The following THTPA variants were observed in gnomAD, a reference collection of about 807,000 sequenced individuals.
THTPA encodes thiamine triphosphatase, also known as thiamine-triphosphatase.
In THTPA, 16 loss-of-function variants were observed where a neutral mutation model predicts 16.5. The ratio of observed to expected loss-of-function variants is 0.97; its 90% CI spans 0.66 to 1.47. The LOEUF is 1.47. Among genes scored for constraint, THTPA ranks in the 40% most tolerant of loss-of-function variants. The pLI is 0.00. For missense variants in THTPA, 281 were observed against 280.9 expected (o/e 1.00, Z 0.00); for synonymous variants, 110 against 115.5 (o/e 0.95, Z 0.30).
chr14:23,559,363 G>A lies in THTPA; in HGVS notation c.*523G>A. 1.1e-5 allele frequency: 3 copies of A among 281,580 alleles called. No homozygotes were observed. The highest frequency in any genetic ancestry group is 2.1e-5 in the Non-Finnish European group (3 of 144,480). 17.4% of individuals were successfully genotyped at this position (281,580 alleles called of 1,614,324 possible). The stretch of plus-strand genomic sequence containing the variant: ...CCACTGTGCCCAGCTCTGGCCCAGA[G>A]GGTAGAGTGCCTCCTGTGGAAGTTT... On this transcript the variant is annotated 3_prime_UTR_variant, in exon 2 of 2. Coordinates refer to ENST00000288014, the MANE Select transcript of THTPA (RefSeq NM_024328.6).
chr14:23,556,131 C>T (rs28403575), upstream of THTPA: 14,036 of 152,608 alleles, frequency 0.092, 910 homozygotes, highest in East Asian at 0.25. Context: ...GGGTCGCGGC[C>T]TCCCATTACA....
chr14:23,548,525 A>T, the THTPA span: 2 of 152,212 alleles, frequency 1.3e-5, no homozygotes, highest in Non-Finnish European at 2.9e-5. Flanking sequence ...CCAAGGCAAT[A>T]CCAGCAATTT....
chr14:23,527,592 G>A, the THTPA span: 1 of 1,536,586 alleles, frequency 6.5e-7, no homozygotes. Flanking sequence ...TCCTCACCCA[G>A]CCTGTACTCA....
At chr14:23,532,362 C>T in the THTPA span, 9 of 584,218 alleles carry the variant, frequency 1.5e-5, no homozygotes, top group Non-Finnish European at 2.1e-5. Flanking sequence ...AAGTCTGTTT[C>T]ACTTGTCAGA....
chr14:23,536,524 A>C, the THTPA span, among the ~76,000 whole-genome samples: 1 of 152,208 alleles, frequency 6.6e-6, no homozygotes, highest in African/African-American at 2.4e-5. Flanking sequence ...TCCTCCCAAA[A>C]GAGGTAACAA....
chr14:23,517,533 A>G, the THTPA span, among the ~76,000 whole-genome samples: 16 of 152,304 alleles, frequency 1.1e-4, no homozygotes, highest in African/African-American at 3.6e-4. Context: ...GTTGCTTCTG[A>G]GAGAAATTGT....
At chr14:23,534,184 T>A in the THTPA span, 1 of 1,476,286 alleles carries the variant, frequency 6.8e-7, no homozygotes, top group East Asian at 2.5e-5. This position sits in a 1 kb window ranked among gnomAD's most constrained non-coding sequence, Gnocchi z 4.5. Context: ...CCCTCCATCC[T>A]CTTCTTGCCC....
At chr14:23,516,719 A>G in the THTPA span, among the ~76,000 whole-genome samples, 78 of 152,354 alleles carry the variant, frequency 5.1e-4, no homozygotes, top group African/African-American at 1.8e-3. Flanking sequence ...GTAGGGGTCC[A>G]CAGAGTACAA....
the THTPA span, chr14:23,523,595 G>A: frequency 2.6e-6 from 4 of 1,553,396 alleles, no homozygotes; most frequent in Non-Finnish European, 3.5e-6. This position sits in a 1 kb window ranked among gnomAD's most constrained non-coding sequence, Gnocchi z 4.1. Context: ...CTTGGCACGA[G>A]CATTCTGGAA....
At chr14:23,547,379 A>T in the THTPA span, among the ~76,000 whole-genome samples, 3 of 152,236 alleles carry the variant, frequency 2.0e-5, no homozygotes, top group African/African-American at 7.2e-5. Flanking sequence ...GACCAATTCA[A>T]TTGTAGTTTC....
At chr14:23,517,720 A>G in the THTPA span, among the ~76,000 whole-genome samples, 2 of 151,992 alleles carry the variant, frequency 1.3e-5, no homozygotes, top group South Asian at 4.2e-4. Flanking sequence ...GTTTTTTGTG[A>G]CTGCGAGGAG....
chr14:23,543,593 G>C, the THTPA span: 1 of 152,330 alleles, frequency 6.6e-6, no homozygotes, highest in Admixed American at 6.5e-5. Flanking sequence ...ACTCCAGGGT[G>C]CGTCATTCAC....
chr14:23,523,253 C>T, the THTPA span: 1 of 1,435,490 alleles, frequency 7.0e-7, no homozygotes, highest in East Asian at 2.5e-5. The surrounding 1 kb of genome is among the most constrained non-coding windows in gnomAD (Gnocchi z 4.1). Context: ...CAGAGCTGGG[C>T]CAGATAAGAG....
the THTPA span, chr14:23,535,404 G>A: frequency 3.5e-6 from 5 of 1,408,816 alleles, no homozygotes; most frequent in African/African-American, 1.4e-5. The surrounding 1 kb of genome is among the most constrained non-coding windows in gnomAD (Gnocchi z 4.5). Context: ...GAGCAGTGCT[G>A]TGAGGCTGCA....
the THTPA span, chr14:23,521,871 G>T: frequency 2.0e-6 from 3 of 1,502,366 alleles, no homozygotes; most frequent in Non-Finnish European, 2.7e-6. Context: ...GCCAGGGGGT[G>T]GGGTGAGGGA....
chr14:23,523,343 G>C, the THTPA span: 2 of 1,466,206 alleles, frequency 1.4e-6, no homozygotes, highest in African/African-American at 2.8e-5. The surrounding 1 kb of genome is among the most constrained non-coding windows in gnomAD (Gnocchi z 4.1). Flanking sequence ...GGCCTTGAGA[G>C]CTGGGGGAGC....
chr14:23,558,668 C>T (rs912655019), intron 1 of THTPA, 27 bp from the exon 2 acceptor site: 1 of 1,613,758 alleles, frequency 6.2e-7, no homozygotes, highest in African/African-American at 1.3e-5. Context: ...CTGTCCATTT[C>T]TCTCCTCATT....
At chr14:23,532,157 C>A in the THTPA span, 3 of 164,382 alleles carry the variant, frequency 1.8e-5, no homozygotes, top group Admixed American at 6.5e-5. Flanking sequence ...CTCCTGAAAC[C>A]CCCCCTTTCC....
At position 23,556,710 on chromosome 14, in the gene THTPA, G is replaced by T. The variant is rs1381406523; in HGVS notation, c.-48G>T. ...CCCCAGGAGCTGAGCACCAGGCTTT[G>T]CATCCTTGGGAACTCAGCAAACGTT... On this transcript the variant is annotated 5_prime_UTR_variant, in exon 1 of 2. Transcript: ENST00000288014. The T allele has an allele frequency of 6.4e-7, 1 of 1,571,778 alleles. No homozygotes were observed. Among genetic ancestry groups the T allele is most frequent in the Non-Finnish European group, 8.6e-7 (1 of 1,159,586 alleles).
Sources: allele counts gnomAD v4.1 joint callset (sites outside exome capture counted in the v4.1 genomes callset), GRCh38; gene constraint gnomAD v4.1.1; non-coding constraint Gnocchi (gnomAD v3.1); transcripts MANE v1.5; gene names NCBI Gene and HGNC (gene_info 2026-07-23, HGNC 2026-07-21).